PLEKHA7: variants seen among roughly 807,000 people sequenced by gnomAD.
PLEKHA7 encodes pleckstrin homology domain containing A7.
A neutral mutation model predicts 170.0 loss-of-function variants in PLEKHA7; 104 were observed. The ratio of observed to expected loss-of-function variants is 0.61; its 90% CI spans 0.52 to 0.72. PLEKHA7 has a LOEUF of 0.72. PLEKHA7 is among the 30% of genes least tolerant of loss of function. The pLI is 0.00. For synonymous variants in PLEKHA7, 648 were observed against 660.8 expected, an observed-to-expected ratio of 0.98 and a Z score of 0.30; for missense variants, 1,615 against 1,671.7, an observed-to-expected ratio of 0.97 and a Z score of 0.59.
At chr11:16,956,561 T>C (rs1189395900) in intron 3 of PLEKHA7, among the ~76,000 whole-genome samples, 1 of 152,204 alleles carries the variant, frequency 6.6e-6, no homozygotes, top group African/African-American at 2.4e-5. Context: ...TAATGGTCCT[T>C]CAATAATCCC....
chr11:16,941,681 C>T (rs960634506), intron 3 of PLEKHA7, among the ~76,000 whole-genome samples: 1 of 152,170 alleles, frequency 6.6e-6, no homozygotes, highest in Admixed American at 6.5e-5. Context: ...CTTTTTTATA[C>T]ATGAGGAAAT....
At chr11:16,888,849 TA>T (rs574292889) in intron 3 of PLEKHA7, among the ~76,000 whole-genome samples, 5 of 118,574 alleles carry the variant, frequency 4.2e-5, no homozygotes, top group South Asian at 2.7e-4. Flanking sequence ...CAATAAATAC[TA>T]AAAAAAAATA....
intron 3 of PLEKHA7, among the ~76,000 whole-genome samples, chr11:16,977,980 A>G (rs1222647390): frequency 1.3e-5 from 2 of 151,916 alleles, no homozygotes; most frequent in Non-Finnish European, 2.9e-5. Flanking sequence ...CCCCTTTGCC[A>G]CTCCAACAAA....
intron 2 of PLEKHA7, 39 bp from the exon 3 acceptor site, chr11:17,014,085 G>A (rs1014836290): frequency 2.5e-6 from 4 of 1,582,442 alleles, no homozygotes; most frequent in Non-Finnish European, 2.6e-6. Context: ...AACTTGGGCC[G>A]CCGCTGCGCG....
chr11:16,921,829 G>A (rs1180721910), intron 3 of PLEKHA7, among the ~76,000 whole-genome samples: 2 of 152,214 alleles, frequency 1.3e-5, no homozygotes, highest in African/African-American at 4.8e-5. Context: ...ACAACTGTGT[G>A]AGGCAGGTTT....
chr11:16,931,759 C>G (rs1478506590), intron 3 of PLEKHA7, among the ~76,000 whole-genome samples: 1 of 145,540 alleles, frequency 6.9e-6, no homozygotes, highest in African/African-American at 2.7e-5. Flanking sequence ...ATTCCATCCC[C>G]CCCCCCCCAA....
chr11:16,960,959 C>T (rs1460496942), intron 3 of PLEKHA7, among the ~76,000 whole-genome samples: 9 of 152,162 alleles, frequency 5.9e-5, no homozygotes, highest in African/African-American at 2.2e-4. Context: ...CGTTTCACCA[C>T]GTCAGCCCCT....
intron 3 of PLEKHA7, among the ~76,000 whole-genome samples, chr11:16,895,270 C>T (rs996311029): frequency 6.6e-6 from 1 of 152,196 alleles, no homozygotes; most frequent in African/African-American, 2.4e-5. Context: ...GGCATGGACA[C>T]TGACTGGCTG....
At position 17,014,303 on chromosome 11, in the gene PLEKHA7, C is replaced by T. The variant is rs1421754422; in HGVS notation, c.86+13G>A. The T allele has an allele frequency of 2.1e-6, 3 of 1,433,626 alleles. No individual in the cohort carries two copies. Among genetic ancestry groups the T allele is most frequent in the Non-Finnish European group, 2.8e-6 (3 of 1,088,532 alleles). 88.8% of individuals were successfully genotyped at this position (1,433,626 alleles called of 1,614,324 possible). A position where few individuals can be genotyped will look rare whatever the true frequency, so the allele number is the denominator to read the frequency against. ...CACCCGCGTCCCCGCGTCCCCGGGT[C>T]CTCGCGCCGCACTTGATGAAGAAGA... On this transcript the variant is annotated intron_variant, in intron 1 of 26. Coordinates refer to ENST00000531066, the MANE Select transcript of PLEKHA7 (RefSeq NM_001329630.2).
At chr11:16,860,195 G>A (rs930720698) in intron 4 of PLEKHA7, among the ~76,000 whole-genome samples, 3 of 152,218 alleles carry the variant, frequency 2.0e-5, no homozygotes, top group Admixed American at 6.5e-5. Flanking sequence ...TGTGTGAAGT[G>A]AGCCTGAACA....
At chr11:17,004,541 C>T (rs576199923) in intron 3 of PLEKHA7, among the ~76,000 whole-genome samples, 1 of 152,094 alleles carries the variant, frequency 6.6e-6, no homozygotes, top group East Asian at 1.9e-4. Context: ...TACAGGCACG[C>T]ACCACCATAC....
rs79143472 is a variant in PLEKHA7, at chr11:16,826,520, G to A, written c.943C>T (p.Arg315Trp). 23,042 of 1,614,120 alleles carry A rather than the reference G, an allele frequency of 0.014. 187 individuals are homozygous for A. Among genetic ancestry groups the A allele is most frequent in the Non-Finnish European group, 0.016 (19,283 of 1,180,014 alleles). The change falls in exon 10 of 27, where the codon CGG becomes TGG. Residue 315 changes from arginine (R) to tryptophan (W), a missense_variant. Coordinates refer to ENST00000531066, the MANE Select transcript of PLEKHA7 (RefSeq NM_001329630.2). ...TCTCTCGTATGTCCGGGTCCCACCC[G>A]GCCACATTCGTGACAGGACTCTGTG... ...NHTESCHECGRVGPGHTRDCP... is the reference protein window; with the variant it reads ...NHTESCHECGWVGPGHTRDCP...
At position 16,782,667 on chromosome 11, in the gene PLEKHA7, C is replaced by T. The variant is rs1590101066; in HGVS notation, c.3793+87G>A. 11 of 1,475,172 alleles carry T rather than the reference C, an allele frequency of 7.5e-6. No homozygotes were observed. The East Asian group carries it at 2.5e-4, about 33-fold the overall frequency. 91.4% of individuals were successfully genotyped at this position (1,475,172 alleles called of 1,614,324 possible). ...ACCATCCTTGACACCTGGTTTTCCACTGGCTCTGGAACAGGCCATGCTGGG... is the reference window on the plus strand; with the variant it reads ...ACCATCCTTGACACCTGGTTTTCCATTGGCTCTGGAACAGGCCATGCTGGG... On this transcript the variant is annotated intron_variant, in intron 26 of 26. Coordinates refer to ENST00000531066, the MANE Select transcript of PLEKHA7 (RefSeq NM_001329630.2).
intron 25 of PLEKHA7, 55 bp from the exon 26 acceptor site, chr11:16,782,951 A>C: frequency 6.6e-7 from 1 of 1,512,582 alleles, no homozygotes; most frequent in Non-Finnish European, 8.9e-7. Context: ...TAGCAGCCTC[A>C]GGAGTGGAGG....
intron 3 of PLEKHA7, among the ~76,000 whole-genome samples, chr11:17,010,704 G>A (rs1865274825): frequency 6.6e-6 from 1 of 152,226 alleles, no homozygotes; most frequent in Admixed American, 6.5e-5. Flanking sequence ...TGTGCAAGGA[G>A]CCATTAGGAA....
chr11:16,802,300 G>A (rs991613576), intron 15 of PLEKHA7, among the ~76,000 whole-genome samples: 2 of 152,194 alleles, frequency 1.3e-5, no homozygotes, highest in African/African-American at 4.8e-5. Flanking sequence ...CCATAGCCCA[G>A]ATCCTAGGAG....
Position 16,801,070 on chromosome 11 carries a change from C to T in PLEKHA7, c.2313G>A (p.Met771Ile). 1.2e-6 allele frequency: 2 copies of T among 1,614,092 alleles called. No individual in the cohort carries two copies. Among genetic ancestry groups the T allele is most frequent in the African/African-American group, 2.7e-5 (2 of 75,056 alleles). Residue 771 changes from methionine to isoleucine, a missense_variant, in exon 17 of 27, where the codon ATG becomes ATA. Physicochemically the swap from Met to Ile is conservative, Grantham distance 10 (BLOSUM62 1). Coordinates refer to ENST00000531066, the MANE Select transcript of PLEKHA7 (RefSeq NM_001329630.2). Reference protein sequence around the residue: ...RAELSRESTEMENAWNEYLKL... With the variant: ...RAELSRESTEIENAWNEYLKL... ...TCAGGTATTCGTTCCAAGCATTTTC[C>T]ATCTCCTGTTGGCCAAGACAATGCT...
At chr11:16,848,958 C>A (rs1165568927) in intron 8 of PLEKHA7, among the ~76,000 whole-genome samples, 1 of 152,148 alleles carries the variant, frequency 6.6e-6, no homozygotes, top group Non-Finnish European at 1.5e-5. Flanking sequence ...GCCCCCAGAG[C>A]CTACCCTCTG....
intron 10 of PLEKHA7, among the ~76,000 whole-genome samples, chr11:16,820,492 A>G (rs1037394655): frequency 2.0e-5 from 3 of 152,172 alleles, no homozygotes; most frequent in Admixed American, 1.3e-4. Flanking sequence ...CGATCTCCCA[A>G]AGTTAGACAC....
Sources: gnomAD v4.1 joint callset for allele counts (sites outside exome capture counted in the v4.1 genomes callset) on GRCh38, gnomAD v4.1.1 for gene constraint, MANE v1.5 for transcripts, NCBI Gene and HGNC (gene_info 2026-07-23, HGNC 2026-07-21) for gene names.